DPP10: variants seen among roughly 807,000 people sequenced by gnomAD.
DPP10 encodes the protein dipeptidyl peptidase like 10.
In DPP10, 33 loss-of-function variants were observed where a neutral mutation model predicts 120.9. The observed-to-expected ratio is 0.27, with a 90% CI of 0.21 to 0.37. The LOEUF is 0.37. DPP10 is among the 10% of genes least tolerant of loss of function. The pLI is 1.00. For synonymous variants in DPP10, 337 were observed against 326.1 expected (o/e 1.03, Z -0.36); for missense variants, 816 against 942.8 (o/e 0.87, Z 1.76).
chr2:115,736,060 G>A (rs1348002677), intron 8 of DPP10, among the ~76,000 whole-genome samples: 1 of 151,974 alleles, frequency 6.6e-6, no homozygotes, highest in African/African-American at 2.4e-5. Context: ...CCACAATGGT[G>A]GGGAGAAAAT....
At chr2:114,867,328 C>A (rs1418374736) in intron 1 of DPP10, among the ~76,000 whole-genome samples, 1 of 152,074 alleles carries the variant, frequency 6.6e-6, no homozygotes, top group Non-Finnish European at 1.5e-5. Flanking sequence ...CTTTCTGGAA[C>A]CCTTTGTTTG....
chr2:115,466,900 T>G (rs190110568), intron 3 of DPP10, among the ~76,000 whole-genome samples: 29 of 152,284 alleles, frequency 1.9e-4, no homozygotes, highest in Non-Finnish European at 3.8e-4. Flanking sequence ...GTAAACCACC[T>G]GGCACCTGGT....
intron 24 of DPP10, among the ~76,000 whole-genome samples, chr2:115,839,708 G>A (rs1023185013): frequency 3.4e-5 from 5 of 148,700 alleles, no homozygotes; most frequent in Admixed American, 2.0e-4. Context: ...TTAAACATGA[G>A]TTACAGAAAT....
chr2:115,297,295 T>A (rs1307443360), intron 1 of DPP10: 2 of 398,452 alleles, frequency 5.0e-6, no homozygotes, highest in Non-Finnish European at 1.0e-5. Flanking sequence ...TCTTAAATCA[T>A]AAAAGTAATT....
chr2:114,494,812 G>A (rs1159741895), intron 1 of DPP10, among the ~76,000 whole-genome samples: 2 of 152,148 alleles, frequency 1.3e-5, no homozygotes, highest in Admixed American at 1.3e-4. Context: ...GAAAATAGTA[G>A]TTTCAACATA....
At chr2:114,563,247 C>A (rs1416206416) in intron 1 of DPP10, among the ~76,000 whole-genome samples, 1 of 152,066 alleles carries the variant, frequency 6.6e-6, no homozygotes, top group Admixed American at 6.5e-5. Context: ...TGGCCGGCAC[C>A]TGTAGTCCTA....
At chr2:115,226,071 TTATAC>T (rs2057419971) in intron 1 of DPP10, among the ~76,000 whole-genome samples, 1 of 147,962 alleles carries the variant, frequency 6.8e-6, no homozygotes, top group African/African-American at 2.7e-5. Flanking sequence ...TCAATTTTAC[TTATAC>T]TTTAACATAC....
intron 8 of DPP10, among the ~76,000 whole-genome samples, chr2:115,739,285 C>T (rs1194879257): frequency 6.6e-6 from 1 of 151,402 alleles, no homozygotes; most frequent in Non-Finnish European, 1.5e-5. Context: ...ATGAAAGATA[C>T]CCAGTATACT....
At chr2:115,415,838 C>CA (rs1559569540) in intron 3 of DPP10, among the ~76,000 whole-genome samples, 1 of 44,342 alleles carries the variant, frequency 2.3e-5, no homozygotes, top group African/African-American at 5.9e-5. Flanking sequence ...ACCTGATTTG[C>CA]TTTTATATAT....
At chr2:115,129,771 CCT>C (rs2050248794) in intron 1 of DPP10, among the ~76,000 whole-genome samples, 1 of 152,072 alleles carries the variant, frequency 6.6e-6, no homozygotes, top group East Asian at 1.9e-4. Flanking sequence ...ATAGGCATCC[CCT>C]GAGAGTTTGA....
chr2:114,628,421 T>C (rs1038700258), intron 1 of DPP10, among the ~76,000 whole-genome samples: 28 of 152,298 alleles, frequency 1.8e-4, no homozygotes, highest in African/African-American at 6.0e-4. Flanking sequence ...CCTTGGAGCA[T>C]GAAACATGTC....
At chr2:115,676,634 A>G (rs1389611978) in intron 5 of DPP10, among the ~76,000 whole-genome samples, 1 of 152,190 alleles carries the variant, frequency 6.6e-6, no homozygotes, top group East Asian at 1.9e-4. Context: ...TTTGAGATAA[A>G]TGCATTAGCC....
intron 3 of DPP10, among the ~76,000 whole-genome samples, chr2:115,494,979 C>T (rs184033973): frequency 2.6e-5 from 4 of 152,086 alleles, no homozygotes; most frequent in African/African-American, 9.6e-5. Flanking sequence ...CAACAGAAAC[C>T]AATATGGTGA....
intron 1 of DPP10, among the ~76,000 whole-genome samples, chr2:115,082,141 C>A (rs377249691): frequency 1.3e-5 from 2 of 152,104 alleles, no homozygotes; most frequent in Admixed American, 6.6e-5. Context: ...TGTAAGCAGA[C>A]CCTCCCATTA....
chr2:115,584,845 TAA>T (rs2082195848), intron 5 of DPP10, among the ~76,000 whole-genome samples: 2 of 152,304 alleles, frequency 1.3e-5, no homozygotes, highest in African/African-American at 4.8e-5. Flanking sequence ...TCCAGGTGGT[TAA>T]ATACTGGTTG....
At chr2:114,453,983 C>T (rs1678426985) in intron 1 of DPP10, among the ~76,000 whole-genome samples, 1 of 152,112 alleles carries the variant, frequency 6.6e-6, no homozygotes, top group African/African-American at 2.4e-5. Context: ...TCTCTCCTTG[C>T]TTGGGATGAA....
Position 114,669,594 on chromosome 2 carries a change from T to A in DPP10, c.60+226756T>A, listed in dbSNP as rs546457295. ...ATAGCAATTTTCATGTAAATAATTT[T>A]ATAAAATACTTTCTTTTTGCTGCTT... On this transcript the variant is annotated intron_variant, in intron 1 of 25. Coordinates refer to ENST00000410059, the MANE Select transcript of DPP10 (RefSeq NM_020868.6). Among the ~76,000 whole-genome samples the A allele has an allele frequency of 1.1e-3, 163 of 152,262 alleles. 1 individual carries two copies. Among genetic ancestry groups the A allele is most frequent in the African/African-American group, 3.8e-3 (159 of 41,560 alleles).
At chr2:115,034,653 A>G (rs148486662) in intron 1 of DPP10, among the ~76,000 whole-genome samples, 55 of 152,338 alleles carry the variant, frequency 3.6e-4, no homozygotes, top group Admixed American at 1.0e-3. Flanking sequence ...GACCCTGCAC[A>G]TTATAAACAC....
At chr2:114,880,782 A>C (rs1351248730) in intron 1 of DPP10, among the ~76,000 whole-genome samples, 1 of 152,194 alleles carries the variant, frequency 6.6e-6, no homozygotes, top group African/African-American at 2.4e-5. Context: ...AAAAGTAAAA[A>C]ATGCAGTAAT....
Sources: gnomAD v4.1 joint callset for allele counts (sites outside exome capture counted in the v4.1 genomes callset) on GRCh38, gnomAD v4.1.1 for gene constraint, MANE v1.5 for transcripts, NCBI Gene and HGNC (gene_info 2026-07-23, HGNC 2026-07-21) for gene names.